Variants in EFCAB5 observed in about 807,000 individuals in gnomAD.
EFCAB5 encodes EF-hand calcium-binding domain-containing protein 5.
Under a neutral mutation model 167.9 loss-of-function variants are expected in EFCAB5, and 131 were observed. That is an observed-to-expected ratio of 0.78 (90% CI 0.68 to 0.90). EFCAB5 has a LOEUF of 0.90. Ranked by LOEUF, EFCAB5 falls within the 40% of genes least tolerant of loss-of-function variation. The pLI is 0.00. For missense variants in EFCAB5, 1,663 were observed against 1,745.2 expected (o/e 0.95, Z 0.84); for synonymous variants, 574 against 602.8 (o/e 0.95, Z 0.70).
At position 30,055,916 on chromosome 17, in the gene EFCAB5, C is replaced by G; in HGVS notation, c.2223C>G (p.Asp741Glu). The change falls in exon 11 of 23, where the codon GAC becomes GAG. Residue 741 changes from aspartate (D) to glutamate (E), a missense_variant. By Grantham distance (45) the Asp-to-Glu change is conservative (BLOSUM62 2). Transcript: ENST00000394835. ...CTACAAAAAAGGAAGTTCAGAAAGA[C>G]AAGCCCTGTGAACCCAAGTCCCAAA... is the stretch of plus-strand genomic sequence containing the variant. ...PETTKKEVQK[D>E]KPCEPKSQKI... 1 of 1,613,602 alleles carries G rather than the reference C, an allele frequency of 6.2e-7. No individual in the cohort carries two copies. The highest frequency in any genetic ancestry group is 8.5e-7 in the Non-Finnish European group (1 of 1,179,742).
chr17:29,997,176 C>T (rs375337169), intron 6 of EFCAB5, among the ~76,000 whole-genome samples: 2 of 150,232 alleles, frequency 1.3e-5, no homozygotes, highest in African/African-American at 4.9e-5. Context: ...ACCCAGGAGG[C>T]GGAGGTTGCA....
At chr17:30,067,065 G>T (rs1389906623) in intron 14 of EFCAB5, among the ~76,000 whole-genome samples, 2 of 152,158 alleles carry the variant, frequency 1.3e-5, no homozygotes, top group African/African-American at 4.8e-5. Context: ...CTCCACTGTG[G>T]CTTTCTACCA....
At chr17:29,943,844 G>A (rs1015295552) in intron 3 of EFCAB5, among the ~76,000 whole-genome samples, 195 bp downstream of exon 3, 5 of 152,036 alleles carry the variant, frequency 3.3e-5, no homozygotes, top group South Asian at 2.1e-4. Context: ...GCATAGTGGC[G>A]GGTGCCTGTA....
chr17:30,023,524 T>C (rs963788468), intron 7 of EFCAB5, among the ~76,000 whole-genome samples: 3 of 152,100 alleles, frequency 2.0e-5, no homozygotes, highest in Non-Finnish European at 4.4e-5. Context: ...GGCTCTGAAA[T>C]TGTGGCAATA....
intron 3 of EFCAB5, among the ~76,000 whole-genome samples, chr17:29,963,911 G>A (rs1392644418): frequency 6.6e-6 from 1 of 152,080 alleles, no homozygotes; most frequent in East Asian, 1.9e-4. Context: ...GTGAGATCTG[G>A]TTGTTTAAAA....
chr17:30,105,527 AAGAG>A (rs1158736570), intron 22 of EFCAB5, among the ~76,000 whole-genome samples: 2 of 152,072 alleles, frequency 1.3e-5, no homozygotes, highest in Admixed American at 6.6e-5. Flanking sequence ...AAAAAACAGA[AAGAG>A]AGATGAATTA....
intron 4 of EFCAB5, among the ~76,000 whole-genome samples, chr17:29,974,477 A>G (rs2068024401): frequency 6.6e-6 from 1 of 151,928 alleles, no homozygotes; most frequent in Non-Finnish European, 1.5e-5. Flanking sequence ...TGGGAGATCA[A>G]GACTGCAGTG....
At chr17:30,101,121 G>A (rs2071377309) in intron 22 of EFCAB5, among the ~76,000 whole-genome samples, 1 of 152,128 alleles carries the variant, frequency 6.6e-6, no homozygotes, top group African/African-American at 2.4e-5. Context: ...TCCAAAGTGT[G>A]GGATTACAAG....
rs1475051615 is a variant in EFCAB5, at chr17:30,083,036, C to A, written c.3572C>A (p.Pro1191Gln). Residue 1191 changes from proline to glutamine, a missense_variant, in exon 18 of 23, where the codon CCA becomes CAA. By Grantham distance (76) the Pro-to-Gln change is moderately conservative. Coordinates refer to ENST00000394835, the MANE Select transcript of EFCAB5 (RefSeq NM_198529.4). ...ACTACGTACTTTGTAGAGCCTAGCC[C>A]AGCCCAGGTAGGCAAGGCTCAGTAG... ...SITTYFVEPS[P>Q]AQDSDYVLRN... 28 of 1,613,674 alleles carry A rather than the reference C, an allele frequency of 1.7e-5. No individual in the cohort carries two copies. The Admixed American group carries it at 4.5e-4, about 26-fold the overall frequency.
At chr17:30,029,805 C>G in intron 7 of EFCAB5, among the ~76,000 whole-genome samples, 1 of 152,194 alleles carries the variant, frequency 6.6e-6, no homozygotes, top group Non-Finnish European at 1.5e-5. Flanking sequence ...ATATCACCCA[C>G]TTCATCAACT....
At chr17:30,055,341 G>T (rs2070226090) in intron 10 of EFCAB5, among the ~76,000 whole-genome samples, 1 of 149,114 alleles carries the variant, frequency 6.7e-6, no homozygotes, top group East Asian at 2.0e-4. Flanking sequence ...AGGAAGGAAG[G>T]AAGGAAGGAA....
chr17:30,076,959 A>G (rs536594570), intron 14 of EFCAB5, among the ~76,000 whole-genome samples: 4 of 152,378 alleles, frequency 2.6e-5, no homozygotes, highest in African/African-American at 9.6e-5. Flanking sequence ...ATAAAAAAGC[A>G]TGTCCAGAAA....
intron 3 of EFCAB5, among the ~76,000 whole-genome samples, chr17:29,951,150 A>G (rs2067500201): frequency 6.6e-6 from 1 of 152,206 alleles, no homozygotes; most frequent in African/African-American, 2.4e-5. Context: ...CCAAGGAAGA[A>G]ATCAAAACTT....
chr17:29,943,345 T>C (rs2067330551), intron 2 of EFCAB5, among the ~76,000 whole-genome samples: 1 of 152,196 alleles, frequency 6.6e-6, no homozygotes. Context: ...GAAGATGTGA[T>C]GACATTTTGA....
chr17:29,959,953 A>G (rs1476945682), intron 3 of EFCAB5, among the ~76,000 whole-genome samples: 1 of 152,164 alleles, frequency 6.6e-6, no homozygotes, highest in Non-Finnish European at 1.5e-5. Context: ...GTTTATTTAG[A>G]ACCCCAGAGC....
chr17:29,967,773 C>T (rs1022381848), intron 3 of EFCAB5, among the ~76,000 whole-genome samples: 2 of 151,964 alleles, frequency 1.3e-5, no homozygotes, highest in African/African-American at 4.8e-5. Flanking sequence ...CTAATATCTC[C>T]GTCCTGCATT....
intron 14 of EFCAB5, among the ~76,000 whole-genome samples, chr17:30,063,558 C>T (rs556247150): frequency 3.4e-4 from 52 of 152,280 alleles, no homozygotes; most frequent in African/African-American, 1.2e-3. Flanking sequence ...GTCACAGATC[C>T]TGTCTCTATG....
At position 30,057,889 on chromosome 17, in the gene EFCAB5, A is replaced by C; in HGVS notation, c.2579A>C (p.Gln860Pro). The C allele has an allele frequency of 6.2e-7, 1 of 1,609,776 alleles. No individual in the cohort carries two copies. The highest frequency in any genetic ancestry group is 1.1e-5 in the South Asian group (1 of 90,462). ...CAAGAGAAAATGAATGCCTTAGAACAGGTGGGTAATATTATTTATTAATGA... is the reference window on the plus strand; with the variant it reads ...CAAGAGAAAATGAATGCCTTAGAACCGGTGGGTAATATTATTTATTAATGA... ...TEQEKMNALE[Q>P]FSQNAFQVRQ... Residue 860 changes from glutamine to proline, a missense_variant and splice_region_variant, in exon 13 of 23, where the codon CAG (glutamine) becomes CCG (proline). Physicochemically the swap from Gln to Pro is moderately conservative, Grantham distance 76. Coordinates refer to ENST00000394835, the MANE Select transcript of EFCAB5 (RefSeq NM_198529.4).
At position 29,941,735 on chromosome 17, in the gene EFCAB5, G is replaced by T. The variant is rs766052699; in HGVS notation, c.-62G>T. Reference sequence around the variant, plus strand: ...GTTTATTAATATTTTCTTTCTTTTTGTTATTAATACTGGTCTAGTAATATT... The same window carrying T: ...GTTTATTAATATTTTCTTTCTTTTTTTTATTAATACTGGTCTAGTAATATT... On this transcript the variant is annotated 5_prime_UTR_variant, in exon 1 of 23. Transcript: ENST00000394835. The T allele has an allele frequency of 1.3e-5, 19 of 1,407,938 alleles. No individual in the cohort carries two copies. In the South Asian group the frequency reaches 1.6e-4, roughly 12 times the overall value. 87.2% of individuals were successfully genotyped at this position (1,407,938 alleles called of 1,614,324 possible).
Sources: allele counts gnomAD v4.1 joint callset (sites outside exome capture counted in the v4.1 genomes callset), GRCh38; gene constraint gnomAD v4.1.1; transcripts MANE v1.5; gene names NCBI Gene and HGNC (gene_info 2026-07-23, HGNC 2026-07-21).